ARNT: variants seen among roughly 807,000 people sequenced by gnomAD.
ARNT encodes the protein class E basic helix-loop-helix protein 2.
Under a neutral mutation model 105.0 loss-of-function variants are expected in ARNT, and 30 were observed. The ratio of observed to expected loss-of-function variants is 0.29; its 90% confidence interval spans 0.21 to 0.39. The LOEUF (loss-of-function observed/expected upper bound fraction) is 0.39. Among genes scored for constraint, ARNT ranks in the 10% least tolerant of loss-of-function variants. The pLI is 1.00. For missense variants in ARNT, 748 were observed against 978.7 expected (o/e 0.76, Z 3.15); for synonymous variants, 304 against 344.0 (o/e 0.88, Z 1.29).
intron 5 of ARNT, among the ~76,000 whole-genome samples, chr1:150,841,483 GGTTA>G (rs1434389428): frequency 6.6e-6 from 1 of 152,048 alleles, no homozygotes; most frequent in Non-Finnish European, 1.5e-5. Flanking sequence ...ACAGTGAAAG[GGTTA>G]GTAAGAAGCT....
rs199643789 is a variant in ARNT, at chr1:150,836,498, G to T, written c.487-5C>A. ...CAAGATCAAATGTTTCAGTTCCTGC[G>T]CAAGAAAAAGAAATAGAAGTTAATA... On this transcript the variant is annotated splice_polypyrimidine_tract_variant and splice_region_variant and intron_variant, in intron 6 of 21. Coordinates refer to ENST00000358595, the MANE Select transcript of ARNT (RefSeq NM_001668.4). 2 of 1,611,822 alleles carry T rather than the reference G, an allele frequency of 1.2e-6. No individual in the cohort carries two copies. Among genetic ancestry groups the T allele is most frequent in the African/African-American group, 1.3e-5 (1 of 74,748 alleles).
chr1:150,821,828 C>CTTTTTTTTTTTTTTTTTTTT (rs367766946), intron 14 of ARNT, among the ~76,000 whole-genome samples: 1 of 114,912 alleles, frequency 8.7e-6, no homozygotes, highest in Non-Finnish European at 1.7e-5. Context: ...TTTGTATTTT[C>CTTTTTTTTTTTTTTTTTTTT]TTTTTTTTTT....
chr1:150,839,445 T>G lies in ARNT; in HGVS notation c.482A>C (p.Asp161Ala). Residue 161 changes from aspartate to alanine, a missense_variant, in exon 6 of 22, where the codon GAT (aspartate) becomes GCT (alanine). Transcript: ENST00000358595. ...DGSYKPSFLT[D>A]QELKHLILEA... Reference sequence around the variant, plus strand: ...AGAACTATAAGTCCCAGAGACCTGATCAGTGAGGAAAGACGGCTTATAGGA... The same window carrying G: ...AGAACTATAAGTCCCAGAGACCTGAGCAGTGAGGAAAGACGGCTTATAGGA... The G allele has an allele frequency of 3.1e-6, 5 of 1,614,144 alleles. No individual in the cohort carries two copies. The highest frequency in any genetic ancestry group is 4.2e-6 in the Non-Finnish European group (5 of 1,180,014).
At chr1:150,851,800 T>C (rs1571404381) in intron 3 of ARNT, among the ~76,000 whole-genome samples, 3 of 152,212 alleles carry the variant, frequency 2.0e-5, no homozygotes. Context: ...CCTCCACTAT[T>C]GTCCTATGAC....
rs1156605423 is a variant in ARNT at position 150,811,456 on chromosome 1, G to GCACACA, written c.*564_*565insTGTGTG. The GCACACA allele has an allele frequency of 4.3e-5, 4 of 92,330 alleles. No individual in the cohort carries two copies. The highest frequency in any genetic ancestry group is 7.5e-5 in the Non-Finnish European group (4 of 53,316). The allele number at this position is 92,330 out of a possible 1,614,324, so 5.7% of individuals were successfully genotyped here. A position where few individuals can be genotyped will look rare whatever the true frequency, so the allele number is the denominator to read the frequency against. On this transcript the variant is annotated 3_prime_UTR_variant, in exon 22 of 22. Coordinates refer to ENST00000358595, the MANE Select transcript of ARNT (RefSeq NM_001668.4). ...AAGAGTGAAATACAGAAGCATGTGT[G>GCACACA]CGCACACACACACACACACACATAC... is the stretch of plus-strand genomic sequence containing the variant.
At chr1:150,854,135 G>A (rs755625104) in intron 2 of ARNT, among the ~76,000 whole-genome samples, 1 of 152,058 alleles carries the variant, frequency 6.6e-6, no homozygotes, top group South Asian at 2.1e-4. Context: ...ACTCAGGCTG[G>A]AGTACAGTGG....
rs1038943842 is a variant in ARNT at position 150,811,070 on chromosome 1, A to G, written c.*951T>C. The G allele has an allele frequency of 1.2e-4, 28 of 232,354 alleles. No individual in the cohort carries two copies. Among genetic ancestry groups the G allele is most frequent in the Admixed American group, 1.1e-3 (20 of 17,718 alleles). The allele number at this position is 232,354 out of a possible 1,614,324, so 14.4% of individuals were successfully genotyped here. On this transcript the variant is annotated 3_prime_UTR_variant, in exon 22 of 22. Transcript: ENST00000358595. The stretch of plus-strand genomic sequence containing the variant: ...GATTCTGACAGAAAAATGCAGCATT[A>G]TCTTTATGGCCAAGTCTCGGGTTCC...
chr1:150,871,664 C>G (rs1396590798), intron 1 of ARNT, among the ~76,000 whole-genome samples: 3 of 147,230 alleles, frequency 2.0e-5, no homozygotes, highest in Admixed American at 6.9e-5. Context: ...AATCCCAGCA[C>G]TTTGGGAGGC....
rs186719211 is a variant in ARNT at position 150,860,962 on chromosome 1, T to C, written c.26-2502A>G. 3.5e-4 allele frequency among the ~76,000 whole-genome samples: 53 copies of C among 151,716 alleles called. 1 individual carries two copies. In the East Asian group the frequency reaches 9.3e-3, roughly 27 times the overall value. On this transcript the variant is annotated intron_variant, in intron 1 of 21. Transcript: ENST00000358595. Reference sequence around the variant, plus strand: ...ATGGGCAAAGAACTTGAACAAGCATTTCTACAAAGAAGATATACTAATGGC... The same window carrying C: ...ATGGGCAAAGAACTTGAACAAGCATCTCTACAAAGAAGATATACTAATGGC...
intron 3 of ARNT, among the ~76,000 whole-genome samples, chr1:150,848,745 T>C (rs1279453681): frequency 2.0e-5 from 3 of 152,098 alleles, no homozygotes; most frequent in African/African-American, 7.2e-5. Context: ...TTGCCCAGAC[T>C]GGTCCTGAAT....
chr1:150,854,461 C>CGGGGGGGGGG (rs1664199322), intron 2 of ARNT, among the ~76,000 whole-genome samples: 1 of 19,594 alleles, frequency 5.1e-5, no homozygotes, highest in Non-Finnish European at 1.1e-4. Context: ...GTTGGGGGGG[C>CGGGGGGGGGG]GGGAGGGGCT....
chr1:150,874,056 C>G (rs917276733), intron 1 of ARNT, among the ~76,000 whole-genome samples: 65 of 116,100 alleles, frequency 5.6e-4, no homozygotes, highest in Admixed American at 3.2e-4. Flanking sequence ...AGTACTCCAG[C>G]AAAAATACAA....
intron 3 of ARNT, among the ~76,000 whole-genome samples, chr1:150,851,804 C>T (rs1489599826): frequency 1.3e-5 from 2 of 151,880 alleles, no homozygotes; most frequent in African/African-American, 4.8e-5. Context: ...CACTATTGTC[C>T]TATGACCCTG....
At position 150,813,307 on chromosome 1, in the gene ARNT, G is replaced by C; in HGVS notation, c.2145C>G (p.Phe715Leu). Residue 715 changes from phenylalanine to leucine, a missense_variant, in exon 21 of 22, where the codon TTC (phenylalanine) becomes TTG (leucine). By Grantham distance (22) the Phe-to-Leu change is conservative. Around this residue, in one of 4 missense-constraint regions of ARNT, gnomAD observed 360 missense variants for 411.9 expected, o/e 0.87. Coordinates refer to ENST00000358595, the MANE Select transcript of ARNT (RefSeq NM_001668.4). ...CCACACCCTCTGCTGTCCGTGTCTG[G>C]AATTGTCCTGCAGTCTGTCCAGTCT... ...APETGQTAGQ[F>L]QTRTAEGVGV... 6.2e-7 allele frequency: 1 copy of C among 1,611,098 alleles called. No homozygotes were observed. Among genetic ancestry groups the C allele is most frequent in the East Asian group, 2.2e-5 (1 of 44,690 alleles).
At chr1:150,857,382 T>A (rs1019882623) in intron 2 of ARNT, among the ~76,000 whole-genome samples, 10 of 152,222 alleles carry the variant, frequency 6.6e-5, no homozygotes, top group Non-Finnish European at 1.3e-4. Flanking sequence ...ATATCCTATA[T>A]CTGACACTTA....
rs749097163 is a variant in ARNT at position 150,816,896 on chromosome 1, G to A, written c.1700-6C>T. 5 of 1,606,244 alleles carry A rather than the reference G, an allele frequency of 3.1e-6. No individual in the cohort carries two copies. The highest frequency in any genetic ancestry group is 3.4e-6 in the Non-Finnish European group (4 of 1,178,138). ...GGAGATGCCTTTACTCTGATCTGTGGACCAAAAGGAGTTGGGGAAGGGCCA... is the reference window on the plus strand; with the variant it reads ...GGAGATGCCTTTACTCTGATCTGTGAACCAAAAGGAGTTGGGGAAGGGCCA... On this transcript the variant is annotated splice_region_variant and splice_polypyrimidine_tract_variant and intron_variant, in intron 17 of 21. Transcript: ENST00000358595.
chr1:150,872,590 A>G (rs1203414204), intron 1 of ARNT, among the ~76,000 whole-genome samples: 2 of 152,208 alleles, frequency 1.3e-5, no homozygotes, highest in Admixed American at 1.3e-4. Context: ...TGAATTTGGA[A>G]TTGTAAATCA....
chr1:150,859,609 A>G (rs1363939450), intron 1 of ARNT, among the ~76,000 whole-genome samples: 2 of 151,768 alleles, frequency 1.3e-5, no homozygotes, highest in African/African-American at 4.8e-5. Flanking sequence ...CTCCCACCTC[A>G]GCTTCCCAGA....
At chr1:150,847,425 C>CAAAAA (rs587697329) in intron 3 of ARNT, among the ~76,000 whole-genome samples, 25 of 90,644 alleles carry the variant, frequency 2.8e-4, no homozygotes, top group Admixed American at 4.2e-4. Context: ...GACTCCGTCT[C>CAAAAA]AAAAAAAAAA....
Sources: allele counts gnomAD v4.1 joint callset (sites outside exome capture counted in the v4.1 genomes callset), GRCh38; gene constraint gnomAD v4.1.1; regional missense constraint gnomAD v4.1.1; transcripts MANE v1.5; gene names NCBI Gene and HGNC (gene_info 2026-07-23, HGNC 2026-07-21).